MYO1H: variants seen among roughly 807,000 people sequenced by gnomAD.
MYO1H encodes the protein myosin IH.
MYO1H carries 118 observed loss-of-function variants against 149.3 expected under a neutral mutation model. The observed-to-expected ratio is 0.79, with a 90% CI of 0.68 to 0.92. The LOEUF (loss-of-function observed/expected upper bound fraction) is 0.92, where lower values mean the gene tolerates loss of function less well. MYO1H is among the 40% of genes least tolerant of loss of function. The probability of loss-of-function intolerance (pLI) is 0.00; values close to 1 mark genes in which losing one functional copy is unlikely to be tolerated. For missense variants in MYO1H, 1,212 were observed against 1,280.7 expected, an observed-to-expected ratio of 0.95 and a Z score of 0.82; for synonymous variants, 447 against 465.2, an observed-to-expected ratio of 0.96 and a Z score of 0.50.
intron 5 of MYO1H, among the ~76,000 whole-genome samples, chr12:109,399,218 G>A (rs532061179): frequency 2.6e-5 from 4 of 152,254 alleles, no homozygotes; most frequent in Admixed American, 6.5e-5. Context: ...TGAAAAGGCC[G>A]TAAAACATGA....
chr12:109,341,620 C>CA, the MYO1H span, among the ~76,000 whole-genome samples: 81,830 of 151,878 alleles, frequency 0.54, 22,965 homozygotes, highest in African/African-American at 0.68. Flanking sequence ...AGGCTGTTTG[C>CA]GGGAGAAAGC....
intron 11 of MYO1H, 52 bp downstream of exon 11, chr12:109,409,676 C>A: frequency 1.4e-6 from 2 of 1,402,302 alleles, no homozygotes; most frequent in Non-Finnish European, 2.0e-6. Context: ...TTTAAGATTT[C>A]AGTCGAGATT....
chr12:109,434,796 C>T (rs760870766), intron 20 of MYO1H, among the ~76,000 whole-genome samples: 12 of 152,324 alleles, frequency 7.9e-5, no homozygotes, highest in East Asian at 1.9e-4. Context: ...TCCGTCCTCA[C>T]GTGGGCTCCT....
At chr12:109,333,721 C>T in the MYO1H span, among the ~76,000 whole-genome samples, 1 of 152,192 alleles carries the variant, frequency 6.6e-6, no homozygotes, top group South Asian at 2.1e-4. Flanking sequence ...CAAGCATGCT[C>T]GTCAATTTAT....
intron 15 of MYO1H, among the ~76,000 whole-genome samples, chr12:109,418,959 T>A (rs1232141367): frequency 6.6e-6 from 1 of 152,220 alleles, no homozygotes; most frequent in Non-Finnish European, 1.5e-5. Context: ...AAAAAATTTT[T>A]AAAAAGGATG....
At chr12:109,438,559 C>T (rs375630617) in exon 23 of MYO1H, 45 of 1,613,252 alleles carry the variant, frequency 2.8e-5, no homozygotes, top group Non-Finnish European at 3.6e-5. Flanking sequence ...AGCCCACTGG[C>T]GTGGGGCCCT....
At chr12:109,312,419 T>A in the MYO1H span, among the ~76,000 whole-genome samples, 1 of 152,150 alleles carries the variant, frequency 6.6e-6, no homozygotes, top group Non-Finnish European at 1.5e-5. Context: ...TTGTTTTAAG[T>A]AGAGACGGGG....
chr12:109,337,008 G>A, the MYO1H span, among the ~76,000 whole-genome samples: 2 of 152,108 alleles, frequency 1.3e-5, no homozygotes, highest in Admixed American at 6.6e-5. Context: ...AAAAAAACAG[G>A]AACCCACTAC....
chr12:109,396,292 G>A, intron 3 of MYO1H, 92 bp from the exon 4 acceptor site: 2 of 1,052,466 alleles, frequency 1.9e-6, no homozygotes, highest in African/African-American at 1.6e-5. Context: ...GCTTCCTGGA[G>A]ATGGAGCACC....
intron 1 of MYO1H, among the ~76,000 whole-genome samples, chr12:109,365,278 A>T (rs1452556019): frequency 2.0e-5 from 3 of 152,234 alleles, no homozygotes; most frequent in African/African-American, 7.2e-5. Flanking sequence ...CCTGTCTCTT[A>T]AAATAAATAA....
At chr12:109,428,399 C>G (rs1257917627) in intron 19 of MYO1H, among the ~76,000 whole-genome samples, 1 of 152,134 alleles carries the variant, frequency 6.6e-6, no homozygotes, top group Non-Finnish European at 1.5e-5. Context: ...ATAGCTGTGA[C>G]CTGTCATTTC....
At chr12:109,381,807 C>T (rs1869210311) in intron 1 of MYO1H, among the ~76,000 whole-genome samples, 1 of 151,874 alleles carries the variant, frequency 6.6e-6, no homozygotes, top group South Asian at 2.1e-4. Flanking sequence ...GCCTGGGCAA[C>T]AGAGCAAGAC....
intron 1 of MYO1H, among the ~76,000 whole-genome samples, chr12:109,349,954 C>CT (rs1868427557): frequency 8.9e-6 from 1 of 112,236 alleles, no homozygotes; most frequent in East Asian, 2.2e-4. Context: ...GAGCAAGACT[C>CT]TGTCTTGAAA....
the MYO1H span, among the ~76,000 whole-genome samples, chr12:109,314,195 TTTTTC>T: frequency 4.0e-5 from 6 of 151,392 alleles, no homozygotes; most frequent in African/African-American, 1.5e-4. Flanking sequence ...TTTTTTACTT[TTTTTC>T]TTTTTTCTTT....
At chr12:109,399,741 C>T (rs1427872887) in intron 5 of MYO1H, among the ~76,000 whole-genome samples, 3 of 151,854 alleles carry the variant, frequency 2.0e-5, no homozygotes, top group African/African-American at 4.8e-5. Flanking sequence ...GTGAGACCCC[C>T]GTCTTTACAA....
the MYO1H span, among the ~76,000 whole-genome samples, chr12:109,320,266 ATTG>A: frequency 6.6e-6 from 1 of 152,028 alleles, no homozygotes; most frequent in Non-Finnish European, 1.5e-5. Flanking sequence ...GAGAGCTATT[ATTG>A]TTCCACTGCA....
At position 109,443,338 on chromosome 12, in the gene MYO1H, G is replaced by A. The variant is rs1039772679; in HGVS notation, c.2689-176G>A. On this transcript the variant is annotated intron_variant, in intron 27 of 31. Transcript: ENST00000310903. ...TATATATGTGTGTATGTATGTGTAC[G>A]TATATATGTGTGTATATACACACAC... Among the ~76,000 whole-genome samples the A allele has an allele frequency of 4.2e-5, 5 of 119,020 alleles. 1 individual carries two copies. The highest frequency in any genetic ancestry group is 1.0e-4 in the African/African-American group (3 of 29,930). The allele number at this position is 119,020 out of a possible 152,430, so 78.1% of individuals were successfully genotyped here.
At chr12:109,353,492 T>A (rs1868512264) in intron 1 of MYO1H, among the ~76,000 whole-genome samples, 1 of 152,064 alleles carries the variant, frequency 6.6e-6, no homozygotes, top group Non-Finnish European at 1.5e-5. Context: ...ATTCTAGATG[T>A]TTCAAATCTA....
chr12:109,338,352 C>G, the MYO1H span, among the ~76,000 whole-genome samples: 71 of 152,284 alleles, frequency 4.7e-4, 1 homozygote, highest in Middle Eastern at 0.01. Context: ...AACTGTGTAG[C>G]TTGAATGGAT....
Sources: gnomAD v4.1 joint callset for allele counts (sites outside exome capture counted in the v4.1 genomes callset) on GRCh38, gnomAD v4.1.1 for gene constraint, MANE v1.5 for transcripts, NCBI Gene and HGNC (gene_info 2026-07-23, HGNC 2026-07-21) for gene names.